Variants in TMEM50B observed in about 807,000 individuals in gnomAD.
TMEM50B encodes the protein HCV p7-trans-regulated protein 3.
TMEM50B carries 14 observed loss-of-function variants against 23.4 expected under a neutral mutation model. That is an observed-to-expected ratio of 0.60 (90% CI 0.39 to 0.93). TMEM50B has a LOEUF of 0.93. Among genes scored for constraint, TMEM50B ranks in the 40% least tolerant of loss-of-function variants. TMEM50B has a pLI of 0.00. For synonymous variants in TMEM50B, 64 were observed against 62.3 expected (o/e 1.03, Z -0.13); for missense variants, 159 against 193.0 (o/e 0.82, Z 1.04).
At chr21:33,468,478 A>T (rs2084284578) in intron 2 of TMEM50B, 1 of 236,972 alleles carries the variant, frequency 4.2e-6, no homozygotes, top group African/African-American at 2.3e-5. Context: ...TCAAATTCTG[A>T]GCCTTTAAGG....
At chr21:33,433,368 G>C (rs1221789991) in intron 8 of TMEM50B, among the ~76,000 whole-genome samples, 2 of 152,212 alleles carry the variant, frequency 1.3e-5, no homozygotes, top group African/African-American at 4.8e-5. Context: ...CTCCGGTGTC[G>C]TTGAAGGATT....
chr21:33,436,730 TA>T, intron 8 of TMEM50B: 1 of 991,090 alleles, frequency 1.0e-6, no homozygotes. Flanking sequence ...AAAAAAAAAA[TA>T]AAAATAAAAA....
At chr21:33,478,803 AAAGAC>A (rs1434954603) in intron 1 of TMEM50B, 3 of 471,070 alleles carry the variant, frequency 6.4e-6, no homozygotes, top group African/African-American at 6.0e-5. Context: ...TGCAGGTTTA[AAAGAC>A]AAGAAACAAA....
At chr21:33,470,356 C>T (rs976194338) in intron 1 of TMEM50B, among the ~76,000 whole-genome samples, 3 of 133,942 alleles carry the variant, frequency 2.2e-5, no homozygotes, top group Admixed American at 8.9e-5. Context: ...ACCCGGGAGG[C>T]GAAGGTTGCA....
intron 1 of TMEM50B, among the ~76,000 whole-genome samples, chr21:33,470,153 T>A (rs145252659): frequency 5.3e-5 from 8 of 151,690 alleles, no homozygotes; most frequent in African/African-American, 1.5e-4. Context: ...AGGCAGAAAT[T>A]GAAAGAAACT....
rs186434775 is a variant in TMEM50B, at chr21:33,479,137, T to C, written c.-42+701A>G. ...AGAATTTCAGCACCTTCCAACTTAC[T>C]GTTTTAAGTACCTTTAACCAGCCTA... On this transcript the variant is annotated intron_variant, in intron 1 of 6. Coordinates refer to ENST00000542230, the MANE Select transcript of TMEM50B (RefSeq NM_006134.7). 215 of 227,910 alleles carry C rather than the reference T, an allele frequency of 9.4e-4. 1 individual carries two copies. Among genetic ancestry groups the C allele is most frequent in the Non-Finnish European group, 1.2e-3 (134 of 110,826 alleles). 14.1% of individuals were successfully genotyped at this position (227,910 alleles called of 1,614,324 possible). A position where few individuals can be genotyped will look rare whatever the true frequency, so the allele number is the denominator to read the frequency against.
chr21:33,432,577 G>T, exon 9 of TMEM50B: 1 of 992,922 alleles, frequency 1.0e-6, no homozygotes, highest in Non-Finnish European at 1.6e-6. Context: ...AGCATACCAG[G>T]TGAGGGTGGG....
intron 7 of TMEM50B, among the ~76,000 whole-genome samples, chr21:33,442,265 A>T (rs1046131009): frequency 2.2e-4 from 33 of 151,918 alleles, no homozygotes; most frequent in African/African-American, 8.0e-4. Flanking sequence ...CTCCCTTGAG[A>T]CTCAAGGACT....
At chr21:33,461,419 T>C (rs1403138168) in intron 4 of TMEM50B, among the ~76,000 whole-genome samples, 1 of 152,164 alleles carries the variant, frequency 6.6e-6, no homozygotes, top group Non-Finnish European at 1.5e-5. Flanking sequence ...TCTCCAGAAA[T>C]AAACAGTAAT....
rs35393378 is a variant in TMEM50B, at chr21:33,454,102, C to CAAA, written c.431+1622_431+1624dup. Among the ~76,000 whole-genome samples the CAAA allele has an allele frequency of 1.3e-3, 133 of 100,168 alleles. 4 individuals are homozygous for CAAA. The highest frequency in any genetic ancestry group is 5.2e-3 in the East Asian group (19 of 3,642). The allele number at this position is 100,168 out of a possible 152,430, so 65.7% of individuals were successfully genotyped here. On this transcript the variant is annotated intron_variant, in intron 6 of 6. Coordinates refer to ENST00000542230, the MANE Select transcript of TMEM50B (RefSeq NM_006134.7). ...TGGGCAACAGAGCGAGAATCCAGCT[C>CAAA]AAAAAAAAAAAAAAAAAAGACATTC...
intron 1 of TMEM50B, chr21:33,478,700 A>G: frequency 2.2e-6 from 1 of 459,646 alleles, no homozygotes. Flanking sequence ...AATATTCAAG[A>G]TAACTTTTGG....
chr21:33,461,889 G>A (rs1309676499), intron 4 of TMEM50B, among the ~76,000 whole-genome samples: 4 of 150,610 alleles, frequency 2.7e-5, no homozygotes, highest in African/African-American at 9.8e-5. Flanking sequence ...AATTAAACAA[G>A]AAAAAAATTT....
intron 7 of TMEM50B, among the ~76,000 whole-genome samples, chr21:33,442,081 C>A (rs368614084): frequency 6.6e-6 from 1 of 152,254 alleles, no homozygotes; most frequent in South Asian, 2.1e-4. Flanking sequence ...ACTATGCAGT[C>A]ACATCTCTGA....
At chr21:33,478,137 A>AAAAT (rs886985517) in intron 1 of TMEM50B, among the ~76,000 whole-genome samples, 13 of 151,796 alleles carry the variant, frequency 8.6e-5, no homozygotes, top group African/African-American at 2.9e-4. Context: ...TCTGTCTCAA[A>AAAAT]AAATAAATAA....
At chr21:33,446,497 A>G (rs2084056488), downstream of TMEM50B, among the ~76,000 whole-genome samples, 1 of 151,370 alleles carries the variant, frequency 6.6e-6, no homozygotes, top group South Asian at 2.1e-4. Flanking sequence ...TCGGACTCCC[A>G]AAGTACTGGG....
intron 5 of TMEM50B, 37 bp from the exon 6 acceptor site, chr21:33,455,821 T>C (rs776777712): frequency 1.6e-5 from 23 of 1,467,906 alleles, no homozygotes; most frequent in Non-Finnish European, 2.1e-5. Flanking sequence ...GACGGTTATA[T>C]AGGCAAACGG....
intron 6 of TMEM50B, 67 bp downstream of exon 6, chr21:33,455,660 T>C (rs2123425094): frequency 1.5e-6 from 2 of 1,300,248 alleles, no homozygotes; most frequent in South Asian, 1.2e-5. Context: ...TCCATATATA[T>C]GCTGCCTTAA....
intron 7 of TMEM50B, among the ~76,000 whole-genome samples, chr21:33,443,878 AG>A (rs2084029536): frequency 2.3e-5 from 3 of 129,438 alleles, no homozygotes; most frequent in Admixed American, 7.8e-5. Flanking sequence ...AAGGTTATAC[AG>A]GAATTCTTTG....
At chr21:33,459,617 G>A (rs1281027798) in intron 5 of TMEM50B, among the ~76,000 whole-genome samples, 1 of 145,570 alleles carries the variant, frequency 6.9e-6, no homozygotes, top group South Asian at 2.2e-4. Flanking sequence ...GCAGTGAGCC[G>A]AGATCACACC....
Sources: gnomAD v4.1 joint callset for allele counts (sites outside exome capture counted in the v4.1 genomes callset) on GRCh38, gnomAD v4.1.1 for gene constraint, MANE v1.5 for transcripts, NCBI Gene and HGNC (gene_info 2026-07-23, HGNC 2026-07-21) for gene names.